Variants in OXR1 observed in about 807,000 individuals in gnomAD.
The protein encoded by OXR1 is oxidation resistance protein 1.
Under a neutral mutation model 104.6 loss-of-function variants are expected in OXR1, and 41 were observed. That is an observed-to-expected ratio of 0.39 (90% CI 0.31 to 0.51). The LOEUF is 0.51. OXR1 is among the 20% of genes least tolerant of loss of function. The probability of loss-of-function intolerance (pLI) is 0.77; values close to 1 mark genes in which losing one functional copy is unlikely to be tolerated. For synonymous variants in OXR1, 348 were observed against 348.4 expected (o/e 1.00, Z 0.01); for missense variants, 955 against 1,031.9 (o/e 0.93, Z 1.02).
chr8:106,413,125 C>T (rs1010647356), intron 2 of OXR1, among the ~76,000 whole-genome samples: 1 of 131,284 alleles, frequency 7.6e-6, no homozygotes, highest in African/African-American at 3.3e-5. Flanking sequence ...TAAATATATG[C>T]TTTACTTTTG....
intron 2 of OXR1, among the ~76,000 whole-genome samples, chr8:106,396,081 A>G: frequency 1.1e-5 from 1 of 89,384 alleles, no homozygotes; most frequent in African/African-American, 4.0e-5. Flanking sequence ...ATAAATACAT[A>G]CATACATACA....
At chr8:106,296,689 TATC>T (rs1382683224) in intron 1 of OXR1, among the ~76,000 whole-genome samples, 4 of 152,174 alleles carry the variant, frequency 2.6e-5, no homozygotes, top group Non-Finnish European at 5.9e-5. Context: ...AGGGACTAAA[TATC>T]ATCTCTGGCT....
intron 2 of OXR1, among the ~76,000 whole-genome samples, chr8:106,418,073 T>A (rs188700733): frequency 5.3e-4 from 81 of 152,152 alleles, no homozygotes; most frequent in African/African-American, 8.9e-4. Flanking sequence ...TCATCTTAAA[T>A]TTCAACTTTT....
At chr8:106,432,364 G>A (rs946166863) in intron 2 of OXR1, among the ~76,000 whole-genome samples, 2 of 152,120 alleles carry the variant, frequency 1.3e-5, no homozygotes, top group Non-Finnish European at 2.9e-5. Flanking sequence ...TCAAGGCCCT[G>A]TTTCATCCAA....
intron 1 of OXR1, among the ~76,000 whole-genome samples, chr8:106,327,136 T>G (rs1452359282): frequency 6.6e-6 from 1 of 152,176 alleles, no homozygotes; most frequent in African/African-American, 2.4e-5. Context: ...ATATGCTATA[T>G]TCAGTTTGAA....
At chr8:106,558,876 C>A (rs1322621801) in intron 3 of OXR1, among the ~76,000 whole-genome samples, 2 of 152,084 alleles carry the variant, frequency 1.3e-5, no homozygotes, top group Non-Finnish European at 2.9e-5. Flanking sequence ...GCCAATAAAC[C>A]CACATCAAGA....
intron 1 of OXR1, among the ~76,000 whole-genome samples, chr8:106,291,629 G>C (rs1255851051): frequency 3.3e-5 from 5 of 152,122 alleles, no homozygotes; most frequent in Admixed American, 3.3e-4. Context: ...AATTTCATTA[G>C]TTTCAAATTG....
chr8:106,284,406 G>A (rs1812408869), intron 1 of OXR1, among the ~76,000 whole-genome samples: 1 of 152,078 alleles, frequency 6.6e-6, no homozygotes, highest in African/African-American at 2.4e-5. Context: ...GTAAGCCAGT[G>A]CCAGATAATC....
chr8:106,685,710 A>C (rs1828640589), intron 6 of OXR1, among the ~76,000 whole-genome samples: 1 of 151,652 alleles, frequency 6.6e-6, no homozygotes, highest in South Asian at 2.1e-4. Flanking sequence ...AAAAAAAAAA[A>C]GAGGTGAGAG....
intron 3 of OXR1, among the ~76,000 whole-genome samples, chr8:106,535,909 G>A (rs1251574102): frequency 6.6e-6 from 1 of 152,028 alleles, no homozygotes; most frequent in Admixed American, 6.6e-5. Context: ...CATTGGATGA[G>A]TAGTTATAAA....
At position 106,729,435 on chromosome 8, in the gene OXR1, A is replaced by G. The variant is rs369288409; in HGVS notation, c.1957-8085A>G. Among the ~76,000 whole-genome samples the G allele has an allele frequency of 7.2e-5, 11 of 152,176 alleles. No homozygotes were observed. The South Asian group carries it at 1.0e-3, about 14-fold the overall frequency. On this transcript the variant is annotated intron_variant, in intron 11 of 16. Coordinates refer to ENST00000517566, the MANE Select transcript of OXR1 (RefSeq NM_001198533.2). ...TATTATTTATTTCTCATAAAATGTA[A>G]AGTATTTCCATTTGAAGAATCAGAA...
At chr8:106,711,168 A>G (rs1831644703) in intron 10 of OXR1, among the ~76,000 whole-genome samples, 1 of 152,112 alleles carries the variant, frequency 6.6e-6, no homozygotes, top group Admixed American at 6.6e-5. Flanking sequence ...TATACGTGAC[A>G]CTAAATTAGC....
chr8:106,299,067 C>G (rs1177217468), intron 1 of OXR1, among the ~76,000 whole-genome samples: 2 of 151,886 alleles, frequency 1.3e-5, no homozygotes, highest in Admixed American at 1.3e-4. Flanking sequence ...CAATCAAACC[C>G]CAAATCTCAG....
chr8:106,487,677 G>T (rs1362578912), intron 2 of OXR1, among the ~76,000 whole-genome samples: 9 of 149,662 alleles, frequency 6.0e-5, no homozygotes, highest in African/African-American at 2.2e-4. Flanking sequence ...GCGGTGTTTG[G>T]TTTTTTGTTC....
At chr8:106,390,542 C>T (rs774047162) in intron 2 of OXR1, among the ~76,000 whole-genome samples, 6 of 152,092 alleles carry the variant, frequency 3.9e-5, no homozygotes, top group Admixed American at 1.3e-4. Context: ...ATTTTTCCAA[C>T]GTCACACAGA....
chr8:106,504,203 G>A (rs1375872152), intron 2 of OXR1, among the ~76,000 whole-genome samples: 1 of 152,136 alleles, frequency 6.6e-6, no homozygotes, highest in Non-Finnish European at 1.5e-5. Context: ...ATGAGGTTCA[G>A]GTTAAGTGCC....
intron 1 of OXR1, among the ~76,000 whole-genome samples, chr8:106,302,430 AAG>A (rs1342546377): frequency 1.2e-3 from 189 of 151,986 alleles, no homozygotes; most frequent in African/African-American, 4.4e-3. Flanking sequence ...AAAATACAAA[AAG>A]AAATTAAGCC....
chr8:106,432,297 C>G lies in OXR1; in HGVS notation c.23+72661C>G, dbSNP rs911218741. Among the ~76,000 whole-genome samples, 3 of 152,280 alleles carry G rather than the reference C, an allele frequency of 2.0e-5. No homozygotes were observed. In the East Asian group the frequency reaches 5.8e-4, roughly 29 times the overall value. On this transcript the variant is annotated intron_variant, in intron 2 of 16. Coordinates refer to ENST00000517566, the MANE Select transcript of OXR1 (RefSeq NM_001198533.2). ...CATTGGATCACGTATCCTCCCCTCT[C>G]CTCACTCTTCCATGGTCTCCATCAT...
chr8:106,379,662 C>T (rs7816442), intron 2 of OXR1, among the ~76,000 whole-genome samples: 103,779 of 151,188 alleles, frequency 0.69, 36,854 homozygotes, highest in African/African-American at 0.88. Context: ...CTCAGCCTCC[C>T]GAGTAGCTGG....
Sources: allele counts gnomAD v4.1 joint callset (sites outside exome capture counted in the v4.1 genomes callset), GRCh38; gene constraint gnomAD v4.1.1; transcripts MANE v1.5; gene names NCBI Gene and HGNC (gene_info 2026-07-23, HGNC 2026-07-21).